Variants in RAP1GAP2 observed in about 807,000 individuals in gnomAD.
The protein encoded by RAP1GAP2 is RAP1 GTPase activating protein 2, also known as rap1 GTPase-activating protein 2.
A neutral mutation model predicts 95.0 loss-of-function variants in RAP1GAP2; 27 were observed. The ratio of observed to expected loss-of-function variants is 0.28; its 90% CI spans 0.21 to 0.39. RAP1GAP2 has a LOEUF of 0.39. RAP1GAP2 is among the 10% of genes least tolerant of loss of function. The pLI is 1.00. For synonymous variants in RAP1GAP2, 373 were observed against 380.9 expected, an observed-to-expected ratio of 0.98 and a Z score of 0.24; for missense variants, 771 against 970.0, an observed-to-expected ratio of 0.79 and a Z score of 2.72.
rs112570051 is a variant in RAP1GAP2 at position 3,008,660 on chromosome 17, GA to G, written c.1494+522del. ...CAAGTCCCTTTGGACTTTGCCAAGG[GA>G]AAAAAACTAACTAGAAGGAGCTGCT... On this transcript the variant is annotated intron_variant, in intron 17 of 24. Coordinates refer to ENST00000254695, the MANE Select transcript of RAP1GAP2 (RefSeq NM_015085.5). This position sits in a 1 kb window ranked among gnomAD's most constrained non-coding sequence, Gnocchi z 4.2. Among the ~76,000 whole-genome samples the G allele has an allele frequency of 2.0e-5, 3 of 152,176 alleles. No individual in the cohort carries two copies. Among genetic ancestry groups the G allele is most frequent in the African/African-American group, 7.2e-5 (3 of 41,444 alleles).
rs375937579 is a variant in RAP1GAP2, at chr17:2,930,205, T to C, written c.165+24837T>C. On this transcript the variant is annotated intron_variant, in intron 3 of 24. Transcript: ENST00000254695. The stretch of plus-strand genomic sequence containing the variant: ...TGACTGGGAGCGGGATTGTCCCAGC[T>C]GTGGGTCTGGACCTTCCTACAGTGG... 6.6e-5 allele frequency among the ~76,000 whole-genome samples: 10 copies of C among 152,340 alleles called. 1 individual carries two copies. The highest frequency in any genetic ancestry group is 1.9e-4 in the East Asian group (1 of 5,190).
intron 3 of RAP1GAP2, among the ~76,000 whole-genome samples, chr17:2,925,938 A>C (rs2042941813): frequency 6.6e-6 from 1 of 152,118 alleles, no homozygotes; most frequent in South Asian, 2.1e-4. Flanking sequence ...CAGGAGTTTG[A>C]GACCAGCCTG....
chr17:2,897,208 C>T (rs910387615), intron 2 of RAP1GAP2, among the ~76,000 whole-genome samples: 19 of 152,062 alleles, frequency 1.2e-4, no homozygotes, highest in African/African-American at 4.1e-4. Context: ...CGTGGTGGCG[C>T]GTGCCTGTAA....
At chr17:2,849,046 G>A (rs1177732360) in intron 2 of RAP1GAP2, among the ~76,000 whole-genome samples, 4 of 152,162 alleles carry the variant, frequency 2.6e-5, no homozygotes, top group Non-Finnish European at 5.9e-5. Flanking sequence ...GCGGGCTTCA[G>A]AGTGATATCC....
chr17:2,965,748 G>GTATT lies in RAP1GAP2; in HGVS notation c.596+106_596+107insATTT. The GTATT allele has an allele frequency of 1.2e-6, 1 of 867,134 alleles. No homozygotes were observed. Among genetic ancestry groups the GTATT allele is most frequent in the Non-Finnish European group, 1.8e-6 (1 of 548,448 alleles). The allele number at this position is 867,134 out of a possible 1,614,324, so 53.7% of individuals were successfully genotyped here. On this transcript the variant is annotated intron_variant, in intron 8 of 24. Coordinates refer to ENST00000254695, the MANE Select transcript of RAP1GAP2 (RefSeq NM_015085.5). The surrounding 1 kb of genome is among the most constrained non-coding windows in gnomAD (Gnocchi z 4.7). ...CAGAAATACCAGACTGACCAGTCTG[G>GTATT]TCTGGGTGCACTGGCTGACGGGGAC...
At chr17:2,981,450 A>G (rs2045353470) in intron 10 of RAP1GAP2, among the ~76,000 whole-genome samples, 1 of 152,176 alleles carries the variant, frequency 6.6e-6, no homozygotes, top group African/African-American at 2.4e-5. Flanking sequence ...CTAGGTCTCC[A>G]GCCCAGCTGA....
chr17:2,862,120 T>C (rs2072422431), intron 2 of RAP1GAP2, among the ~76,000 whole-genome samples: 1 of 152,188 alleles, frequency 6.6e-6, no homozygotes, highest in African/African-American at 2.4e-5. Flanking sequence ...TGCATAGCTT[T>C]GGGACCCGTA....
At chr17:2,757,411 C>T (rs7225434) in intron 1 of RAP1GAP2, among the ~76,000 whole-genome samples, 28,843 of 152,152 alleles carry the variant, frequency 0.19, 3,217 homozygotes, top group East Asian at 0.38. Flanking sequence ...CATGAGCCAC[C>T]GTGCCCCTGG....
chr17:2,848,178 G>C (rs2071669786), intron 2 of RAP1GAP2, among the ~76,000 whole-genome samples: 1 of 152,124 alleles, frequency 6.6e-6, no homozygotes, highest in African/African-American at 2.4e-5. Flanking sequence ...AGTGGGATCT[G>C]TGGGTTTCCT....
At chr17:2,808,065 TAAC>T (rs1470796267) in intron 2 of RAP1GAP2, among the ~76,000 whole-genome samples, 1 of 152,152 alleles carries the variant, frequency 6.6e-6, no homozygotes, top group Non-Finnish European at 1.5e-5. Context: ...GGAGGCCTGT[TAAC>T]AGGAACCTCT....
intron 2 of RAP1GAP2, among the ~76,000 whole-genome samples, chr17:2,805,382 G>A (rs1050658144): frequency 6.6e-6 from 1 of 151,954 alleles, no homozygotes; most frequent in African/African-American, 2.4e-5. Flanking sequence ...TTGAGACCGC[G>A]TCTTGGTCTG....
chr17:2,955,196 G>C (rs1345343551), intron 3 of RAP1GAP2, among the ~76,000 whole-genome samples: 1 of 152,134 alleles, frequency 6.6e-6, no homozygotes, highest in Non-Finnish European at 1.5e-5. Flanking sequence ...ACATTTCCGG[G>C]AATTGCCAAA....
intron 17 of RAP1GAP2, among the ~76,000 whole-genome samples, chr17:3,015,843 A>G (rs1264767042): frequency 1.3e-5 from 2 of 151,992 alleles, no homozygotes; most frequent in Non-Finnish European, 2.9e-5. Context: ...AGATGGCTCA[A>G]AAGAGGAAGG....
rs57910892 is a variant in RAP1GAP2 at position 2,982,170 on chromosome 17, C to T, written c.729+922C>T. On this transcript the variant is annotated intron_variant, in intron 10 of 24. Transcript: ENST00000254695. ...ACACTCTTTTTTTGAGACTGAGTCT[C>T]GCTCTGTCACCCAGGCTGGAGTGCA... Among the ~76,000 whole-genome samples, 905 of 152,294 alleles carry T rather than the reference C, an allele frequency of 5.9e-3. 8 individuals are homozygous for T. Among genetic ancestry groups the T allele is most frequent in the African/African-American group, 0.021 (853 of 41,556 alleles).
At chr17:2,796,084 G>A (rs554763911), upstream of RAP1GAP2, among the ~76,000 whole-genome samples, 2 of 152,268 alleles carry the variant, frequency 1.3e-5, no homozygotes, top group Non-Finnish European at 2.9e-5. The surrounding 1 kb of genome is among the most constrained non-coding windows in gnomAD (Gnocchi z 4.7). Context: ...CCTCGGGAGT[G>A]GGTGTGAAGG....
intron 19 of RAP1GAP2, among the ~76,000 whole-genome samples, chr17:3,021,153 T>A (rs1418818797): frequency 6.6e-6 from 1 of 152,226 alleles, no homozygotes; most frequent in Non-Finnish European, 1.5e-5. Context: ...ATCCATCACC[T>A]CAAACATTGA....
intron 2 of RAP1GAP2, among the ~76,000 whole-genome samples, chr17:2,886,357 GA>G (rs1474623689): frequency 6.6e-6 from 1 of 151,848 alleles, no homozygotes; most frequent in African/African-American, 2.4e-5. Flanking sequence ...ATTTTTAGTA[GA>G]GATGAGGTTC....
At chr17:2,932,951 A>G (rs988118343) in intron 3 of RAP1GAP2, among the ~76,000 whole-genome samples, 4 of 152,088 alleles carry the variant, frequency 2.6e-5, no homozygotes, top group African/African-American at 9.7e-5. Context: ...CTCCAGGCAC[A>G]GGTCGAGGCT....
chr17:2,884,126 A>G (rs1173632457), intron 2 of RAP1GAP2, among the ~76,000 whole-genome samples: 1 of 152,202 alleles, frequency 6.6e-6, no homozygotes, highest in Non-Finnish European at 1.5e-5. Flanking sequence ...TGTGGTCTCC[A>G]GAAACTTCTA....
Sources: gnomAD v4.1 joint callset for allele counts (sites outside exome capture counted in the v4.1 genomes callset) on GRCh38, gnomAD v4.1.1 for gene constraint, Gnocchi (gnomAD v3.1) non-coding constraint, MANE v1.5 for transcripts, NCBI Gene and HGNC (gene_info 2026-07-23, HGNC 2026-07-21) for gene names.